MYLK4: variants seen among roughly 807,000 people sequenced by gnomAD.
The protein encoded by MYLK4 is myosin light chain kinase family member 4, also known as caMLCK like.
Under a neutral mutation model 48.1 loss-of-function variants are expected in MYLK4, and 46 were observed. The observed-to-expected ratio is 0.96, with a 90% CI of 0.75 to 1.22. The LOEUF is 1.22. Ranked by LOEUF, MYLK4 falls within the 50% of genes most tolerant of loss-of-function variation. The probability of loss-of-function intolerance (pLI) is 0.00; values close to 1 mark genes in which losing one functional copy is unlikely to be tolerated. For synonymous variants in MYLK4, 170 were observed against 180.8 expected (o/e 0.94, Z 0.48); for missense variants, 451 against 486.1 (o/e 0.93, Z 0.68).
Position 2,692,797 on chromosome 6 carries a change from T to C in MYLK4, c.222A>G (p.Thr74=), listed in dbSNP as rs1761860169. Residue 74 remains threonine, a synonymous_variant, in exon 3 of 13, where the codon ACA becomes ACG. Coordinates refer to ENST00000274643, the MANE Select transcript of MYLK4 (RefSeq NM_001012418.5). ...TAAAGATGTTACCTGCGAGGGCTGATGTCCTTTTGCTTTTGACGGGCATCC... is the reference window on the plus strand; with the variant it reads ...TAAAGATGTTACCTGCGAGGGCTGACGTCCTTTTGCTTTTGACGGGCATCC... ...TERMPVKSKR[T]SALAVDIPAP... 5.0e-6 allele frequency: 8 copies of C among 1,613,804 alleles called. No homozygotes were observed. The highest frequency in any genetic ancestry group is 6.8e-6 in the Non-Finnish European group (8 of 1,179,950).
chr6:2,765,582 TGCTGCGGCCGCGCCGGGCGCCGGGGAGG>T, the MYLK4 span: 1 of 1,445,204 alleles, frequency 6.9e-7, no homozygotes, highest in Non-Finnish European at 9.1e-7. Flanking sequence ...GCGCACGGGT[TGCTGCGGCCGCGCCGGGCGCCGGGGAGG>T]GCGGCGGCCG....
the MYLK4 span, among the ~76,000 whole-genome samples, chr6:2,767,939 A>G: frequency 6.6e-6 from 1 of 152,216 alleles, no homozygotes; most frequent in Non-Finnish European, 1.5e-5. Context: ...TTTAGAAAAG[A>G]AAGTACCACC....
intron 2 of MYLK4, among the ~76,000 whole-genome samples, chr6:2,746,497 CA>C (rs1333265284): frequency 6.6e-6 from 1 of 152,122 alleles, no homozygotes; most frequent in African/African-American, 2.4e-5. Context: ...ACTATTTTAA[CA>C]AATATAAGTT....
At chr6:2,769,298 G>C in the MYLK4 span, among the ~76,000 whole-genome samples, 1 of 151,854 alleles carries the variant, frequency 6.6e-6, no homozygotes, top group Non-Finnish European at 1.5e-5. Flanking sequence ...GTAACTCCAG[G>C]CTCTGTCTTC....
intron 6 of MYLK4, 26 bp from the exon 7 acceptor site, chr6:2,683,188 C>T: frequency 1.2e-6 from 2 of 1,613,318 alleles, no homozygotes; most frequent in Non-Finnish European, 1.7e-6. Flanking sequence ...GACTGAAACC[C>T]TCAGTCCCGA....
intron 2 of MYLK4, among the ~76,000 whole-genome samples, chr6:2,694,515 G>A (rs1183094318): frequency 7.3e-4 from 23 of 31,462 alleles, no homozygotes; most frequent in Middle Eastern, 9.3e-3. Flanking sequence ...GGTGGTGGCG[G>A]TGGTGGTGGT....
the MYLK4 span, chr6:2,766,501 G>A: frequency 2.8e-6 from 4 of 1,445,174 alleles, no homozygotes; most frequent in Non-Finnish European, 9.2e-7. Context: ...GGATGCAGCT[G>A]ATGGTCGGAG....
chr6:2,762,290 A>G, the MYLK4 span, among the ~76,000 whole-genome samples: 1 of 152,208 alleles, frequency 6.6e-6, no homozygotes, highest in Non-Finnish European at 1.5e-5. Context: ...GTTGGACGTA[A>G]AATTAGGTCT....
At position 2,673,940 on chromosome 6, in the gene MYLK4, A is replaced by G. The variant is rs970217114; in HGVS notation, c.1119+1107T>C. On this transcript the variant is annotated intron_variant, in intron 11 of 12. Coordinates refer to ENST00000274643, the MANE Select transcript of MYLK4 (RefSeq NM_001012418.5). The surrounding 1 kb of genome is among the most constrained non-coding windows in gnomAD (Gnocchi z 4.2). ...GGGCTCGAGGGAGAGGAAGGAAGCAAAGAAGATGTACGGGGGCTGGCTGGG... is the reference window on the plus strand; with the variant it reads ...GGGCTCGAGGGAGAGGAAGGAAGCAGAGAAGATGTACGGGGGCTGGCTGGG... Among the ~76,000 whole-genome samples the G allele has an allele frequency of 6.6e-6, 1 of 152,202 alleles. No homozygotes were observed. Among genetic ancestry groups the G allele is most frequent in the African/African-American group, 2.4e-5 (1 of 41,442 alleles).
intron 10 of MYLK4, among the ~76,000 whole-genome samples, chr6:2,675,797 A>G (rs1338055959): frequency 6.6e-6 from 1 of 152,228 alleles, no homozygotes; most frequent in South Asian, 2.1e-4. Context: ...TAACCTTTCA[A>G]AATAAAAACT....
intron 2 of MYLK4, among the ~76,000 whole-genome samples, chr6:2,735,982 G>T (rs77148276): frequency 0.026 from 4,019 of 152,242 alleles, 172 homozygotes; most frequent in African/African-American, 0.089. Context: ...CTAAATGACT[G>T]AGGTCACACA....
intron 2 of MYLK4, chr6:2,743,821 T>C (rs1763976852): frequency 2.5e-6 from 1 of 397,416 alleles, no homozygotes; most frequent in African/African-American, 2.1e-5. Context: ...TTCCATTTAC[T>C]TTGGCAAGCG....
chr6:2,768,773 C>T, the MYLK4 span: 1 of 1,613,856 alleles, frequency 6.2e-7, no homozygotes, highest in South Asian at 1.1e-5. Flanking sequence ...AATGCCAAGA[C>T]AAATGATGTG....
intron 2 of MYLK4, among the ~76,000 whole-genome samples, chr6:2,734,114 A>G (rs1763571789): frequency 6.6e-6 from 1 of 152,160 alleles, no homozygotes; most frequent in Admixed American, 6.5e-5. Context: ...GTAGAATGCA[A>G]TGGTATTCAG....
intron 6 of MYLK4, 116 bp from the exon 7 acceptor site, chr6:2,683,278 T>G (rs1761387600): frequency 9.1e-7 from 1 of 1,104,128 alleles, no homozygotes; most frequent in African/African-American, 1.6e-5. Flanking sequence ...GTATGTGCAG[T>G]TATTTCTCTG....
chr6:2,765,318 G>A, the MYLK4 span: 6 of 220,914 alleles, frequency 2.7e-5, no homozygotes, highest in Non-Finnish European at 3.5e-5. Context: ...GGTGATTGGG[G>A]CAAACGGCCA....
At chr6:2,715,220 A>G (rs1327907042) in intron 2 of MYLK4, among the ~76,000 whole-genome samples, 2 of 148,832 alleles carry the variant, frequency 1.3e-5, no homozygotes, top group East Asian at 2.0e-4. Context: ...AGATCCTGCC[A>G]TTGTACTCTG....
chr6:2,712,875 T>G (rs1762723563), intron 2 of MYLK4, among the ~76,000 whole-genome samples: 1 of 152,184 alleles, frequency 6.6e-6, no homozygotes. Flanking sequence ...TGGGATCCTC[T>G]CTCTCAAAAC....
chr6:2,687,737 A>G (rs1259319621), intron 4 of MYLK4, among the ~76,000 whole-genome samples: 2 of 152,180 alleles, frequency 1.3e-5, no homozygotes, highest in Admixed American at 1.3e-4. Flanking sequence ...AGAAATACGG[A>G]GTGGGAAGAG....
Sources: gnomAD v4.1 joint callset for allele counts (sites outside exome capture counted in the v4.1 genomes callset) on GRCh38, gnomAD v4.1.1 for gene constraint, Gnocchi (gnomAD v3.1) non-coding constraint, MANE v1.5 for transcripts, NCBI Gene and HGNC (gene_info 2026-07-23, HGNC 2026-07-21) for gene names.